The following CKAP5 variants were observed in gnomAD, a reference collection of about 807,000 sequenced individuals.
The protein encoded by CKAP5 is cytoskeleton-associated protein 5.
Under a neutral mutation model 232.8 loss-of-function variants are expected in CKAP5, and 27 were observed. That is an observed-to-expected ratio of 0.12 (90% CI 0.09 to 0.16). The LOEUF is 0.16. Among genes scored for constraint, CKAP5 ranks in the 10% least tolerant of loss-of-function variants. The pLI is 1.00. For missense variants in CKAP5, 1,838 were observed against 2,424.7 expected (o/e 0.76, Z 5.08); for synonymous variants, 785 against 841.1 (o/e 0.93, Z 1.16).
At chr11:46,758,047 C>A (rs2065124213) in intron 35 of CKAP5, among the ~76,000 whole-genome samples, 1 of 152,096 alleles carries the variant, frequency 6.6e-6, no homozygotes. Context: ...GCCACCATAC[C>A]CACCCATGAC....
chr11:46,829,938 G>A (rs1287201757), intron 1 of CKAP5, among the ~76,000 whole-genome samples: 1 of 151,310 alleles, frequency 6.6e-6, no homozygotes, highest in Non-Finnish European at 1.5e-5. Flanking sequence ...GACCCCCAAA[G>A]AAATCACGTT....
chr11:46,820,573 T>C (rs560477281), intron 2 of CKAP5: 2 of 152,264 alleles, frequency 1.3e-5, no homozygotes, highest in African/African-American at 4.8e-5. Flanking sequence ...GAAATGAAAT[T>C]CTAAAATCTA....
In CKAP5 at chr11:46,796,576, A is replaced by G. The variant is rs552198834; in HGVS notation, c.1467+236T>C. On this transcript the variant is annotated intron_variant, in intron 12 of 43. Transcript: ENST00000529230. The stretch of plus-strand genomic sequence containing the variant: ...GATGAAATAAATTTCCTGAGGTGAT[A>G]TCAGCATTTTTTTCTTAATAAAACA... Among the ~76,000 whole-genome samples the G allele has an allele frequency of 2.0e-5, 3 of 152,348 alleles. No homozygotes were observed. The South Asian group carries it at 6.2e-4, about 32-fold the overall frequency.
intron 32 of CKAP5, 107 bp downstream of exon 32, chr11:46,761,893 A>G (rs2065157975): frequency 2.4e-6 from 2 of 837,352 alleles, no homozygotes; most frequent in Middle Eastern, 3.1e-4. Context: ...AGTTGACTAA[A>G]AAGTAGTAAA....
In CKAP5 at chr11:46,755,023, G is replaced by A. The variant is rs772497527; in HGVS notation, c.4734C>T (p.Ser1578=). 2.0e-5 allele frequency: 32 copies of A among 1,613,156 alleles called. No homozygotes were observed. The highest frequency in any genetic ancestry group is 1.6e-4 in the East Asian group (7 of 44,822). The change falls in exon 36 of 44, where the codon TCC becomes TCT. Residue 1578 remains serine, a synonymous_variant. Transcript: ENST00000529230. ...CTATCAGAAACTGATCAATATGGCC[G>A]GACATGGCTTCAGCTTTGTCTTCCT... ...LRQEDKAEAM[S]GHIDQFLIAT... is the part of the protein sequence containing the mutation.
chr11:46,819,354 G>A (rs1939475959), intron 2 of CKAP5, among the ~76,000 whole-genome samples: 1 of 152,106 alleles, frequency 6.6e-6, no homozygotes, highest in South Asian at 2.1e-4. Context: ...GGGGAGTATG[G>A]TACAAAGTAA....
chr11:46,778,534 A>G lies in CKAP5; in HGVS notation c.2499T>C (p.Asp833=), dbSNP rs150484791. 9.9e-6 allele frequency: 16 copies of G among 1,614,064 alleles called. No individual in the cohort carries two copies. The African/African-American group carries it at 2.1e-4, about 22-fold the overall frequency. ...GISKHSTSGT[D]EGEDGDEPDD... is the part of the protein sequence containing the mutation. ...CTGGTTCATCTCCATCTTCTCCTTCATCTGTACCACTTGTGCTATGCTTGG... is the reference window on the plus strand; with the variant it reads ...CTGGTTCATCTCCATCTTCTCCTTCGTCTGTACCACTTGTGCTATGCTTGG... The change falls in exon 21 of 44, where the codon GAT becomes GAC. Residue 833 remains aspartate, a synonymous_variant. Coordinates refer to ENST00000529230, the MANE Select transcript of CKAP5 (RefSeq NM_001008938.4).
At chr11:46,754,465 T>C (rs1368862444) in intron 36 of CKAP5, among the ~76,000 whole-genome samples, 1 of 152,218 alleles carries the variant, frequency 6.6e-6, no homozygotes, top group Non-Finnish European at 1.5e-5. Flanking sequence ...AGGTAAAACA[T>C]TAACAAATTT....
At chr11:46,775,161 T>C (rs1191944690) in intron 24 of CKAP5, among the ~76,000 whole-genome samples, 1 of 151,994 alleles carries the variant, frequency 6.6e-6, no homozygotes, top group African/African-American at 2.4e-5. Context: ...AACAACCCCA[T>C]CAAAAAGTGG....
rs745754974 is a variant in CKAP5 at position 46,759,366 on chromosome 11, T to A, written c.4471A>T (p.Ile1491Phe). Reference sequence around the variant, plus strand: ...CGGACTGTACCATTGTCATTCTCAATCTCATCTAGATCCAGCTGGAATTCT... The same window carrying A: ...CGGACTGTACCATTGTCATTCTCAAACTCATCTAGATCCAGCTGGAATTCT... ...RREFQLDLDE[I>F]ENDNGTVRCE... Residue 1491 changes from isoleucine to phenylalanine, a missense_variant, in exon 34 of 44, where the codon ATT becomes TTT. Physicochemically the swap from Ile to Phe is conservative, Grantham distance 21 (BLOSUM62 0). Coordinates refer to ENST00000529230, the MANE Select transcript of CKAP5 (RefSeq NM_001008938.4). 6.2e-7 allele frequency: 1 copy of A among 1,614,038 alleles called. No homozygotes were observed. The highest frequency in any genetic ancestry group is 1.1e-5 in the South Asian group (1 of 91,064).
chr11:46,791,245 G>GTTT, intron 13 of CKAP5, among the ~76,000 whole-genome samples: 1 of 145,030 alleles, frequency 6.9e-6, no homozygotes, highest in African/African-American at 2.5e-5. Flanking sequence ...ATTTATTTGG[G>GTTT]TTTTTTTTTT....
chr11:46,815,594 A>G (rs1437119444), intron 4 of CKAP5, among the ~76,000 whole-genome samples: 1 of 152,188 alleles, frequency 6.6e-6, no homozygotes, highest in African/African-American at 2.4e-5. Flanking sequence ...ACTGCCCCCA[A>G]CTGAAAAGCC....
In CKAP5 at chr11:46,790,079, C is replaced by T; in HGVS notation, c.1872G>A (p.Gln624=). ...TCAATTCTTCCCTATGCACTACCTT[C>T]TGGAACTCTTCCATACAAGCCAGCC... ...KERLACMEEF[Q]KAVELMDRTE... The change falls in exon 15 of 44, where the codon CAG becomes CAA. Residue 624 remains glutamine (Q), a synonymous_variant. Transcript: ENST00000529230. 2 of 1,603,084 alleles carry T rather than the reference C, an allele frequency of 1.2e-6. No individual in the cohort carries two copies. Among genetic ancestry groups the T allele is most frequent in the Non-Finnish European group, 1.7e-6 (2 of 1,171,268 alleles).
intron 1 of CKAP5, among the ~76,000 whole-genome samples, chr11:46,834,285 A>G (rs750362175): frequency 2.9e-4 from 44 of 152,062 alleles, no homozygotes; most frequent in Middle Eastern, 3.2e-3. Flanking sequence ...TTGGGAGGCC[A>G]AGACGGGCAG....
intron 16 of CKAP5, among the ~76,000 whole-genome samples, chr11:46,785,994 A>T (rs759400365): frequency 1.3e-5 from 2 of 152,112 alleles, no homozygotes; most frequent in Admixed American, 6.6e-5. Context: ...ATAAAAATTT[A>T]AAAAATTAAA....
In CKAP5 at chr11:46,811,017, T is replaced by G; in HGVS notation, c.620A>C (p.Asn207Thr). 6.2e-7 allele frequency: 1 copy of G among 1,611,620 alleles called. No homozygotes were observed. The highest frequency in any genetic ancestry group is 8.5e-7 in the Non-Finnish European group (1 of 1,179,220). ...AACTTTTTGTCTCACCTGAACAGAG[T>G]TTATATTTTGTAATGGGGGTCTCAG... Reference protein sequence around the residue: ...DALRPPLQNINSVQLKELEEE... With the variant: ...DALRPPLQNITSVQLKELEEE... Residue 207 changes from asparagine (N) to threonine (T), a missense_variant, in exon 5 of 44, where the codon AAC (asparagine) becomes ACC (threonine). Asn to Thr is a moderately conservative substitution (Grantham distance 65, BLOSUM62 0). Coordinates refer to ENST00000529230, the MANE Select transcript of CKAP5 (RefSeq NM_001008938.4).
At chr11:46,759,224 G>A in intron 34 of CKAP5, 45 bp downstream of exon 34, 5 of 1,571,378 alleles carry the variant, frequency 3.2e-6, no homozygotes, top group Non-Finnish European at 4.3e-6. Flanking sequence ...TAGGCCGTCT[G>A]ATCATCATGA....
chr11:46,816,443 A>C, intron 3 of CKAP5, 39 bp from the exon 4 acceptor site: 1 of 1,566,574 alleles, frequency 6.4e-7, no homozygotes, highest in Non-Finnish European at 8.8e-7. Context: ...CCACTTAAGT[A>C]GTAAGAATTG....
At chr11:46,833,258 A>C (rs1939833710) in intron 1 of CKAP5, among the ~76,000 whole-genome samples, 1 of 152,120 alleles carries the variant, frequency 6.6e-6, no homozygotes, top group Non-Finnish European at 1.5e-5. Flanking sequence ...ACAACAGAGA[A>C]TGTTTCAGGC....
Sources: allele counts gnomAD v4.1 joint callset (sites outside exome capture counted in the v4.1 genomes callset), GRCh38; gene constraint gnomAD v4.1.1; transcripts MANE v1.5; gene names NCBI Gene and HGNC (gene_info 2026-07-23, HGNC 2026-07-21).